SHC2: variants seen among roughly 807,000 people sequenced by gnomAD.
SHC2 encodes SHC-transforming protein 2.
SHC2 carries 62 observed loss-of-function variants against 60.6 expected under a neutral mutation model. That is an observed-to-expected ratio of 1.02 (90% CI 0.83 to 1.26). The LOEUF is 1.26. Ranked by LOEUF, SHC2 falls within the 50% of genes most tolerant of loss-of-function variation. The pLI is 0.00. For synonymous variants in SHC2, 375 were observed against 372.4 expected (o/e 1.01, Z -0.08); for missense variants, 873 against 822.2 (o/e 1.06, Z -0.76).
chr19:422,414 G>C lies in SHC2; in HGVS notation c.1352C>G (p.Ala451Gly). 1 of 1,591,032 alleles carries C rather than the reference G, an allele frequency of 6.3e-7. No homozygotes were observed. The highest frequency in any genetic ancestry group is 8.6e-7 in the Non-Finnish European group (1 of 1,168,726). Residue 451 changes from alanine to glycine, a missense_variant, in exon 11 of 13, where the codon GCG becomes GGG. Ala to Gly is a moderately conservative substitution (Grantham distance 60). Coordinates refer to ENST00000264554, the MANE Select transcript of SHC2 (RefSeq NM_012435.3). The surrounding 1 kb of genome is among the most constrained non-coding windows in gnomAD (Gnocchi z 5.0). Reference protein sequence around the residue: ...DALKLHECSVAAGVTAAPLPL... With the variant: ...DALKLHECSVGAGVTAAPLPL... ...AAGAGGGGCTGCTGTCACGCCTGCC[G>C]CCACTGAGCACTCATGCAACTTCAG...
Position 418,826 on chromosome 19 carries a change from G to A in SHC2, c.*5+97C>T. 2.1e-6 allele frequency: 3 copies of A among 1,397,282 alleles called. No individual in the cohort carries two copies. The African/African-American group carries it at 4.3e-5, about 20-fold the overall frequency. The allele number at this position is 1,397,282 out of a possible 1,614,324, so 86.6% of individuals were successfully genotyped here. On this transcript the variant is annotated intron_variant, in intron 12 of 12. Transcript: ENST00000264554. ...CACCCCTGAGTCGTGCCCTCTAGAG[G>A]GAAAGGCACGGCACGTGAACCGGGT...
chr19:430,887 C>G, intron 8 of SHC2, 140 bp from the exon 9 acceptor site: 2 of 746,900 alleles, frequency 2.7e-6, no homozygotes, highest in Non-Finnish European at 4.4e-6. Flanking sequence ...TCCCATTGCT[C>G]TCTCACTCTG....
Position 436,279 on chromosome 19 carries a change from AG to A in SHC2, c.838del (p.Leu280TrpfsTer73). 6.3e-7 allele frequency: 1 copy of A among 1,591,996 alleles called. No homozygotes were observed. On this transcript the variant is annotated frameshift_variant, in exon 7 of 13. Transcript: ENST00000264554. LOFTEE classifies it high-confidence loss of function. ...DPINQRACHI[L>X]ECCEGLAQSI... The stretch of plus-strand genomic sequence containing the variant: ...CTGTGCCAGGCCCTCACAGCACTCC[AG>A]GATGTGGCAGGCTGCGGGCACGTTG...
chr19:449,676 G>A (rs1017252035), intron 1 of SHC2, among the ~76,000 whole-genome samples: 5 of 151,874 alleles, frequency 3.3e-5, no homozygotes, highest in East Asian at 1.9e-4. Context: ...TAGGAGAATC[G>A]CTTGAACCCG....
chr19:429,973 G>T (rs1285296367), intron 9 of SHC2, among the ~76,000 whole-genome samples: 1 of 141,536 alleles, frequency 7.1e-6, no homozygotes, highest in African/African-American at 2.7e-5. Flanking sequence ...TGTGGATGAC[G>T]CAGTACCTAT....
chr19:458,397 C>CG (rs575705111), intron 1 of SHC2, among the ~76,000 whole-genome samples: 2 of 102,950 alleles, frequency 1.9e-5, no homozygotes, highest in African/African-American at 7.6e-5. Context: ...AATCGGGTTC[C>CG]GGGGAGGCGG....
Position 446,887 on chromosome 19 carries a change from A to G in SHC2, c.469-5955T>C, listed in dbSNP as rs7252112. Among the ~76,000 whole-genome samples the G allele has an allele frequency of 0.22, 32,700 of 152,014 alleles. 7,836 individuals are homozygous for G. The highest frequency in any genetic ancestry group is 0.57 in the African/African-American group (23,788 of 41,444). ...AGGGCAGATACAAGCCGAGGTCCCCATGTCTGCACTCCCAGCCTGGGAGAC... is the reference window on the plus strand; with the variant it reads ...AGGGCAGATACAAGCCGAGGTCCCCGTGTCTGCACTCCCAGCCTGGGAGAC... On this transcript the variant is annotated intron_variant, in intron 1 of 12. Transcript: ENST00000264554. This position sits in a 1 kb window ranked among gnomAD's most constrained non-coding sequence, Gnocchi z 5.4.
intron 1 of SHC2, among the ~76,000 whole-genome samples, chr19:443,804 GAATA>G (rs768623343): frequency 4.1e-5 from 6 of 147,340 alleles, no homozygotes; most frequent in Admixed American, 6.7e-5. Context: ...GTGGGTGGAT[GAATA>G]GGTGGATGGA....
intron 9 of SHC2, among the ~76,000 whole-genome samples, chr19:428,961 G>A (rs1395263860): frequency 1.9e-4 from 24 of 125,408 alleles, no homozygotes; most frequent in East Asian, 5.2e-4. Flanking sequence ...TATACCCAAC[G>A]TGCACGGAAA....
At chr19:423,784 G>A (rs1222625148) in intron 10 of SHC2, among the ~76,000 whole-genome samples, 5 of 152,214 alleles carry the variant, frequency 3.3e-5, no homozygotes, top group Non-Finnish European at 5.9e-5. Flanking sequence ...AGCACGTGGC[G>A]AATCAGAGGC....
intron 1 of SHC2, among the ~76,000 whole-genome samples, chr19:460,260 T>TGG (rs144043667): frequency 6.6e-5 from 10 of 151,670 alleles, no homozygotes; most frequent in African/African-American, 2.4e-4. Context: ...CCAGTCCGAG[T>TGG]GGGGGGCGGT....
At chr19:454,447 G>A (rs1001573756) in intron 1 of SHC2, among the ~76,000 whole-genome samples, 11 of 152,232 alleles carry the variant, frequency 7.2e-5, no homozygotes, top group Admixed American at 5.2e-4. Context: ...GAAGGCGGTC[G>A]GTCTCCCGTG....
At chr19:443,176 A>G (rs1443591141) in intron 1 of SHC2, among the ~76,000 whole-genome samples, 91 of 90,214 alleles carry the variant, frequency 1.0e-3, no homozygotes, top group East Asian at 2.6e-3. Flanking sequence ...ATGGGTGGGT[A>G]GATGAGTGCA....
rs1568290301 is a variant in SHC2, at chr19:438,989, C to CAT, written c.580_581insAT (p.Arg194HisfsTer28). 1 of 1,601,194 alleles carries CAT rather than the reference C, an allele frequency of 6.2e-7. No individual in the cohort carries two copies. Among genetic ancestry groups the CAT allele is most frequent in the Admixed American group, 1.7e-5 (1 of 58,684 alleles). Reference sequence around the variant, plus strand: ...ACTCACCTTTTTCTTCCAGGATCCCCGGACGCCAGGCACGGCCTCATGGAG... The same window carrying CAT: ...ACTCACCTTTTTCTTCCAGGATCCCCATGGACGCCAGGCACGGCCTCATGGAG... On this transcript the variant is annotated frameshift_variant, in exon 3 of 13. Transcript: ENST00000264554. LOFTEE classifies it high-confidence loss of function. This position sits in a 1 kb window ranked among gnomAD's most constrained non-coding sequence, Gnocchi z 5.0.
chr19:436,391 A>G lies in SHC2; in HGVS notation c.815T>C (p.Ile272Thr). ...CCCGGGGGCCTCACCTCTCTGGTTG[A>G]TGGGGTCCTTGGCGACGTAGGCCAC... ...DYVAYVAKDPINQRACHILEC... is the reference protein window; with the variant it reads ...DYVAYVAKDPTNQRACHILEC... Residue 272 changes from isoleucine (I) to threonine (T), a missense_variant, in exon 6 of 13, where the codon ATC (isoleucine) becomes ACC (threonine). By Grantham distance (89) the Ile-to-Thr change is moderately conservative. Transcript: ENST00000264554. 1 of 1,593,824 alleles carries G rather than the reference A, an allele frequency of 6.3e-7. No individual in the cohort carries two copies.
Position 425,427 on chromosome 19 carries a change from C to T in SHC2, c.1175-196G>A, listed in dbSNP as rs1235244190. 1.3e-5 allele frequency among the ~76,000 whole-genome samples: 2 copies of T among 152,184 alleles called. No individual in the cohort carries two copies. Among genetic ancestry groups the T allele is most frequent in the African/African-American group, 4.8e-5 (2 of 41,436 alleles). On this transcript the variant is annotated intron_variant, in intron 9 of 12. Transcript: ENST00000264554. This position sits in a 1 kb window ranked among gnomAD's most constrained non-coding sequence, Gnocchi z 4.1. The stretch of plus-strand genomic sequence containing the variant: ...AGGGAGCATCTTACAGCAGCAAAGC[C>T]CCGTCGGGGCTCCAACCAGGGACAA...
chr19:456,474 T>C (rs1248812492), intron 1 of SHC2, among the ~76,000 whole-genome samples: 1 of 152,156 alleles, frequency 6.6e-6, no homozygotes, highest in Non-Finnish European at 1.5e-5. Flanking sequence ...GGGTCTCTGC[T>C]GCCCTTCCAG....
In SHC2 at chr19:446,335, G is replaced by A. The variant is rs937079390; in HGVS notation, c.469-5403C>T. On this transcript the variant is annotated intron_variant, in intron 1 of 12. Transcript: ENST00000264554. This position sits in a 1 kb window ranked among gnomAD's most constrained non-coding sequence, Gnocchi z 5.4. ...GGGTTTTTGTTTGTTTGTTTGAGAC[G>A]GAGTCTTGCTCTGTCGCCAGGCTGG... Among the ~76,000 whole-genome samples the A allele has an allele frequency of 5.3e-5, 8 of 152,044 alleles. No individual in the cohort carries two copies. Among genetic ancestry groups the A allele is most frequent in the Non-Finnish European group, 1.2e-4 (8 of 68,018 alleles).
chr19:452,372 G>C (rs1975222723), intron 1 of SHC2, among the ~76,000 whole-genome samples: 1 of 95,636 alleles, frequency 1.0e-5, no homozygotes, highest in South Asian at 4.6e-4. Flanking sequence ...GACTTGGGGG[G>C]AATTCCTGCG....
Sources: allele counts gnomAD v4.1 joint callset (sites outside exome capture counted in the v4.1 genomes callset), GRCh38; gene constraint gnomAD v4.1.1; non-coding constraint Gnocchi (gnomAD v3.1); transcripts MANE v1.5; gene names NCBI Gene and HGNC (gene_info 2026-07-23, HGNC 2026-07-21).